Variants in GNAL observed in about 807,000 individuals in gnomAD.
GNAL encodes the protein G protein subunit alpha L.
A neutral mutation model predicts 55.1 loss-of-function variants in GNAL; 18 were observed. The observed-to-expected ratio is 0.33, with a 90% CI of 0.23 to 0.48. The LOEUF is 0.48. Among genes scored for constraint, GNAL ranks in the 20% least tolerant of loss-of-function variants. The probability of loss-of-function intolerance (pLI) is 0.99; values close to 1 mark genes in which losing one functional copy is unlikely to be tolerated. For synonymous variants in GNAL, 253 were observed against 237.0 expected, an observed-to-expected ratio of 1.07 and a Z score of -0.62; for missense variants, 412 against 614.1, an observed-to-expected ratio of 0.67 and a Z score of 3.48.
At chr18:11,817,732 G>T (rs1462630413) in intron 4 of GNAL, among the ~76,000 whole-genome samples, 1 of 151,526 alleles carries the variant, frequency 6.6e-6, no homozygotes, top group East Asian at 1.9e-4. Flanking sequence ...GGGATTGCAG[G>T]TGCGTGCCAC....
At position 11,705,178 on chromosome 18, in the gene GNAL, C is replaced by T. The variant is rs116317200; in HGVS notation, c.376+15239C>T. The stretch of plus-strand genomic sequence containing the variant: ...TTTGCTTCTGTGAGTTTGACTATTA[C>T]AAGTCCTCATATAAATGGAATCATG... On this transcript the variant is annotated intron_variant, in intron 1 of 11. Coordinates refer to ENST00000334049, the MANE Select transcript of GNAL (RefSeq NM_182978.4). Among the ~76,000 whole-genome samples the T allele has an allele frequency of 6.1e-3, 935 of 152,312 alleles. 4 individuals are homozygous for T. Among genetic ancestry groups the T allele is most frequent in the African/African-American group, 0.021 (876 of 41,558 alleles).
intron 4 of GNAL, among the ~76,000 whole-genome samples, chr18:11,768,907 A>T (rs71350461): frequency 0.4 from 43,737 of 109,246 alleles, 10,985 homozygotes; most frequent in African/African-American, 0.72. Context: ...AAAAAAAAAA[A>T]ATATATATAT....
At chr18:11,785,336 C>T (rs1217145169) in intron 4 of GNAL, among the ~76,000 whole-genome samples, 1 of 152,152 alleles carries the variant, frequency 6.6e-6, no homozygotes, top group East Asian at 1.9e-4. Flanking sequence ...AATGGGTGTC[C>T]ACAAGGCAGA....
At chr18:11,880,945 A>C in intron 11 of GNAL, 44 bp from the exon 12 acceptor site, 1 of 1,592,274 alleles carries the variant, frequency 6.3e-7, no homozygotes, top group Non-Finnish European at 8.6e-7. Context: ...CCCAGAGTAC[A>C]TGCTGGGGCC....
At chr18:11,849,359 G>A (rs1345755206) in intron 5 of GNAL, among the ~76,000 whole-genome samples, 3 of 152,126 alleles carry the variant, frequency 2.0e-5, no homozygotes, top group Admixed American at 6.5e-5. Flanking sequence ...AAAATTAGCC[G>A]GTAGTGCTGG....
rs945223750 is a variant in GNAL at position 11,875,270 on chromosome 18, A to G, written c.1163-1351A>G. Among the ~76,000 whole-genome samples, 21 of 152,290 alleles carry G rather than the reference A, an allele frequency of 1.4e-4. No homozygotes were observed. The South Asian group carries it at 4.4e-3, about 32-fold the overall frequency. The stretch of plus-strand genomic sequence containing the variant: ...AGGCTCCGAGCTTTCCTCTCCCAAC[A>G]GCTCTGCAGGGAGGGCAGCTCTGGG... On this transcript the variant is annotated intron_variant, in intron 10 of 11. Coordinates refer to ENST00000334049, the MANE Select transcript of GNAL (RefSeq NM_182978.4).
intron 4 of GNAL, among the ~76,000 whole-genome samples, chr18:11,786,655 G>A (rs1404975320): frequency 6.8e-6 from 1 of 147,624 alleles, no homozygotes; most frequent in African/African-American, 2.5e-5. Context: ...CTTTCACCAC[G>A]TTAGCCAGGA....
chr18:11,854,112 A>G (rs1452780306), intron 5 of GNAL: 1 of 167,112 alleles, frequency 6.0e-6, no homozygotes, highest in East Asian at 1.9e-4. Flanking sequence ...GGCATGAGCC[A>G]CTGCACCTGG....
chr18:11,715,226 G>A (rs9965103), intron 1 of GNAL, among the ~76,000 whole-genome samples: 2,081 of 151,964 alleles, frequency 0.014, 48 homozygotes, highest in African/African-American at 0.047. Flanking sequence ...TTGGGAGGCC[G>A]AGGTGGGCGG....
At chr18:11,733,976 T>A (rs73944248) in intron 1 of GNAL, among the ~76,000 whole-genome samples, 2,357 of 151,654 alleles carry the variant, frequency 0.016, 60 homozygotes, top group African/African-American at 0.054. Flanking sequence ...TGCGCCATCA[T>A]TTCTCTCCTG....
At chr18:11,702,323 G>T (rs915416133) in intron 1 of GNAL, 3 of 152,324 alleles carry the variant, frequency 2.0e-5, no homozygotes, top group African/African-American at 7.2e-5. Context: ...CAAGAGGCGA[G>T]TGCTGATCCC....
At chr18:11,842,013 C>A (rs143389381) in intron 5 of GNAL, among the ~76,000 whole-genome samples, 1,742 of 151,496 alleles carry the variant, frequency 0.011, 79 homozygotes, top group Admixed American at 0.074. Context: ...GCTGTTGTTG[C>A]CCAGGCTGAA....
chr18:11,728,306 T>C (rs1281847012), intron 1 of GNAL, among the ~76,000 whole-genome samples: 1 of 152,038 alleles, frequency 6.6e-6, no homozygotes, highest in Admixed American at 6.6e-5. Context: ...ATGATTGTTG[T>C]CTCATTTTAA....
At chr18:11,838,446 G>A (rs960853810) in intron 5 of GNAL, among the ~76,000 whole-genome samples, 3 of 152,168 alleles carry the variant, frequency 2.0e-5, no homozygotes, top group African/African-American at 4.8e-5. Context: ...GTTTCCTCTT[G>A]GAGTGATGAA....
chr18:11,878,282 T>C (rs2036579292), intron 11 of GNAL, among the ~76,000 whole-genome samples: 1 of 152,068 alleles, frequency 6.6e-6, no homozygotes, highest in Admixed American at 6.5e-5. Flanking sequence ...AGACCTCATC[T>C]CTACAAAAAA....
intron 4 of GNAL, among the ~76,000 whole-genome samples, chr18:11,819,256 TTC>T (rs200116611): frequency 8.5e-5 from 13 of 152,226 alleles, no homozygotes; most frequent in Admixed American, 3.3e-4. Flanking sequence ...GCAAAAAACT[TTC>T]TTTTACTCAT....
At chr18:11,845,503 T>C (rs1445376237) in intron 5 of GNAL, among the ~76,000 whole-genome samples, 1 of 152,038 alleles carries the variant, frequency 6.6e-6, no homozygotes, top group Non-Finnish European at 1.5e-5. Context: ...GAAAGAGGAA[T>C]ATATCGTGTG....
chr18:11,824,846 C>G, intron 4 of GNAL, 72 bp from the exon 5 acceptor site: 1 of 831,444 alleles, frequency 1.2e-6, no homozygotes, highest in South Asian at 1.6e-5. Flanking sequence ...TTTGCAGTTT[C>G]TTTTTCCTTT....
chr18:11,782,722 A>G (rs774257138), intron 4 of GNAL, among the ~76,000 whole-genome samples: 36 of 152,348 alleles, frequency 2.4e-4, no homozygotes, highest in Admixed American at 5.9e-4. Context: ...AGAGTCAATG[A>G]TGACTGTGTG....
Sources: allele counts gnomAD v4.1 joint callset (sites outside exome capture counted in the v4.1 genomes callset), GRCh38; gene constraint gnomAD v4.1.1; transcripts MANE v1.5; gene names NCBI Gene and HGNC (gene_info 2026-07-23, HGNC 2026-07-21).